The following MBTD1 variants were observed in gnomAD, a reference collection of about 807,000 sequenced individuals.
The protein encoded by MBTD1 is mbt domain containing 1, also known as MBT domain-containing protein 1.
In MBTD1, 24 loss-of-function variants were observed where a neutral mutation model predicts 87.8. That is an observed-to-expected ratio of 0.27 (90% confidence interval 0.20 to 0.38). MBTD1 has a LOEUF of 0.38. Ranked by LOEUF, MBTD1 falls within the 10% of genes least tolerant of loss-of-function variation. The probability of loss-of-function intolerance (pLI) is 1.00; values close to 1 mark genes in which losing one functional copy is unlikely to be tolerated. For missense variants in MBTD1, 436 were observed against 760.2 expected (o/e 0.57, Z 5.02); for synonymous variants, 237 against 248.6 (o/e 0.95, Z 0.44).
chr17:51,217,296 T>C, intron 6 of MBTD1, 38 bp downstream of exon 6: 2 of 1,187,990 alleles, frequency 1.7e-6, no homozygotes, highest in Non-Finnish European at 1.2e-6. Flanking sequence ...AAACAATGAC[T>C]AAGTACTTCA....
At chr17:51,224,123 C>G (rs912989391) in intron 3 of MBTD1, among the ~76,000 whole-genome samples, 6 of 152,276 alleles carry the variant, frequency 3.9e-5, no homozygotes, top group African/African-American at 1.2e-4. Flanking sequence ...TTGTTTGGTT[C>G]CCACATTTCC....
chr17:51,260,501 TCGG>T (rs760403564), upstream of MBTD1: 25 of 1,436,396 alleles, frequency 1.7e-5, no homozygotes, highest in East Asian at 2.4e-5. Context: ...CCCCGGGGCT[TCGG>T]CGGCGGCGGC....
intron 2 of MBTD1, among the ~76,000 whole-genome samples, chr17:51,257,776 T>C (rs1357744782): frequency 6.6e-6 from 1 of 152,186 alleles, no homozygotes; most frequent in Non-Finnish European, 1.5e-5. Flanking sequence ...CTCTACTGAT[T>C]CTTTTTCACA....
At chr17:51,182,739 A>G (rs2050373332) in intron 16 of MBTD1, among the ~76,000 whole-genome samples, 1 of 152,218 alleles carries the variant, frequency 6.6e-6, no homozygotes, top group East Asian at 1.9e-4. Flanking sequence ...CTTTTCATTA[A>G]TAAATGGAGA....
At chr17:51,233,754 A>C (rs1454996814) in intron 2 of MBTD1, among the ~76,000 whole-genome samples, 1 of 152,188 alleles carries the variant, frequency 6.6e-6, no homozygotes, top group African/African-American at 2.4e-5. Flanking sequence ...TGATTTAAAA[A>C]AAAATTTATA....
intron 3 of MBTD1, 136 bp downstream of exon 3, chr17:51,224,872 T>C (rs1178987561): frequency 2.1e-6 from 1 of 483,926 alleles, no homozygotes; most frequent in East Asian, 3.4e-5. Flanking sequence ...TCAGTGATCT[T>C]ATCTCGAATT....
intron 3 of MBTD1, among the ~76,000 whole-genome samples, chr17:51,222,206 T>C (rs992691271): frequency 5.3e-5 from 8 of 152,336 alleles, no homozygotes; most frequent in African/African-American, 1.4e-4. Flanking sequence ...GTATTTAAAA[T>C]AGATGCTAGC....
At chr17:51,198,444 T>G (rs1468485016) in intron 12 of MBTD1, among the ~76,000 whole-genome samples, 1 of 152,234 alleles carries the variant, frequency 6.6e-6, no homozygotes, top group African/African-American at 2.4e-5. Flanking sequence ...ATGGTAAACA[T>G]GTACACTAAA....
chr17:51,244,565 G>A (rs942872059), intron 2 of MBTD1, among the ~76,000 whole-genome samples: 1 of 151,986 alleles, frequency 6.6e-6, no homozygotes, highest in Non-Finnish European at 1.5e-5. Context: ...GCACCAACAA[G>A]CCAGGCTAAT....
chr17:51,187,455 T>C lies in MBTD1; in HGVS notation c.1768+4748A>G, dbSNP rs114710613. ...TCAGCTATAGTTTTCTATACAAATA[T>C]AAGCCTTCCAAGACATGTACAATGC... is the stretch of plus-strand genomic sequence containing the variant. On this transcript the variant is annotated intron_variant, in intron 16 of 16. Transcript: ENST00000586178. Among the ~76,000 whole-genome samples, 425 of 150,152 alleles carry C rather than the reference T, an allele frequency of 2.8e-3. 1 individual carries two copies. The highest frequency in any genetic ancestry group is 0.01 in the African/African-American group (410 of 40,854).
At chr17:51,199,796 C>T (rs762492921) in intron 12 of MBTD1, among the ~76,000 whole-genome samples, 3 of 151,820 alleles carry the variant, frequency 2.0e-5, no homozygotes, top group Non-Finnish European at 4.4e-5. Context: ...TGTGACATGG[C>T]AGCCATCATA....
Position 51,203,029 on chromosome 17 carries a change from A to G in MBTD1, c.829-94T>C, listed in dbSNP as rs958464099. 3.2e-6 allele frequency: 4 copies of G among 1,255,972 alleles called. No homozygotes were observed. The African/African-American group carries it at 6.0e-5, about 19-fold the overall frequency. The allele number at this position is 1,255,972 out of a possible 1,614,324, so 77.8% of individuals were successfully genotyped here. On this transcript the variant is annotated intron_variant, in intron 9 of 16. Transcript: ENST00000586178. ...CTGTAAAAAATACTGAATGCACTTGAAATGTAACACAGATCATCTGGTTCA... is the reference window on the plus strand; with the variant it reads ...CTGTAAAAAATACTGAATGCACTTGGAATGTAACACAGATCATCTGGTTCA...
chr17:51,227,414 A>G (rs1175589138), intron 2 of MBTD1, among the ~76,000 whole-genome samples: 1 of 152,108 alleles, frequency 6.6e-6, no homozygotes, highest in African/African-American at 2.4e-5. Context: ...TACAAAAATT[A>G]GCCAAGTGTG....
chr17:51,245,461 T>C (rs1347138063), intron 2 of MBTD1, among the ~76,000 whole-genome samples: 3 of 152,152 alleles, frequency 2.0e-5, no homozygotes, highest in Admixed American at 6.6e-5. Flanking sequence ...TCCTGAAGCA[T>C]GGTACAGAAA....
intron 2 of MBTD1, among the ~76,000 whole-genome samples, chr17:51,253,377 G>T (rs1044308080): frequency 2.6e-5 from 4 of 152,120 alleles, no homozygotes; most frequent in African/African-American, 7.2e-5. Flanking sequence ...TATGTAGAAG[G>T]ATGTTTGCTA....
At chr17:51,224,396 G>T (rs1196815945) in intron 3 of MBTD1, among the ~76,000 whole-genome samples, 1 of 152,170 alleles carries the variant, frequency 6.6e-6, no homozygotes, top group Admixed American at 6.5e-5. Flanking sequence ...ATTCTGTGTA[G>T]CTTTAAAAAG....
Position 51,203,803 on chromosome 17 carries a change from C to G in MBTD1, c.727G>C (p.Val243Leu). Residue 243 changes from valine to leucine, a missense_variant, in exon 8 of 17, where the codon GTT becomes CTT. Transcript: ENST00000586178. ...GWCAASGKPLVPPRTIQHKYT... is the reference protein window; with the variant it reads ...GWCAASGKPLLPPRTIQHKYT... Reference sequence around the variant, plus strand: ...ATAAACTACTTACTTCTAGGAGGAACAAGAGGTTTTCCGCTGGCTGCACAC... The same window carrying G: ...ATAAACTACTTACTTCTAGGAGGAAGAAGAGGTTTTCCGCTGGCTGCACAC... The G allele has an allele frequency of 4.3e-6, 7 of 1,611,078 alleles. No individual in the cohort carries two copies. Among genetic ancestry groups the G allele is most frequent in the Non-Finnish European group, 5.9e-6 (7 of 1,179,352 alleles).
upstream of MBTD1, chr17:51,260,568 TCTC>T (rs763931118): frequency 3.7e-6 from 6 of 1,603,514 alleles, no homozygotes; most frequent in South Asian, 1.1e-5. Context: ...CGCCTGCGTT[TCTC>T]CTCAAACCTA....
At chr17:51,257,522 T>C (rs182800077) in intron 2 of MBTD1, among the ~76,000 whole-genome samples, 178 of 152,346 alleles carry the variant, frequency 1.2e-3, no homozygotes, top group African/African-American at 4.0e-3. Context: ...TCAACATTAT[T>C]GAGGGACCAA....
Sources: allele counts gnomAD v4.1 joint callset (sites outside exome capture counted in the v4.1 genomes callset), GRCh38; gene constraint gnomAD v4.1.1; transcripts MANE v1.5; gene names NCBI Gene and HGNC (gene_info 2026-07-23, HGNC 2026-07-21).